Variants in ABLIM2 observed in about 807,000 individuals in gnomAD.
ABLIM2 encodes the protein actin-binding LIM protein 2.
A neutral mutation model predicts 97.7 loss-of-function variants in ABLIM2; 53 were observed. That is an observed-to-expected ratio of 0.54 (90% CI 0.44 to 0.68). The LOEUF (loss-of-function observed/expected upper bound fraction) is 0.68. Ranked by LOEUF, ABLIM2 falls within the 30% of genes least tolerant of loss-of-function variation. The probability of loss-of-function intolerance (pLI) is 0.00; values close to 1 mark genes in which losing one functional copy is unlikely to be tolerated. For missense variants in ABLIM2, 835 were observed against 867.2 expected (o/e 0.96, Z 0.47); for synonymous variants, 361 against 345.8 (o/e 1.04, Z -0.49).
rs1211012357 is a variant in ABLIM2 at position 7,999,530 on chromosome 4, G to A, written c.1619-6603C>T. ...CTAACTAGAGAGGCTGAGATGAGGA[G>A]GGCTCCCTAGCTTCAGGAACCAGTA... On this transcript the variant is annotated intron_variant, in intron 16 of 20. Transcript: ENST00000447017. The surrounding 1 kb of genome is among the most constrained non-coding windows in gnomAD (Gnocchi z 4.4). 6.6e-6 allele frequency among the ~76,000 whole-genome samples: 1 copy of A among 152,228 alleles called. No individual in the cohort carries two copies. The highest frequency in any genetic ancestry group is 1.9e-4 in the East Asian group (1 of 5,202).
At chr4:8,106,236 G>A (rs1486139555) in intron 2 of ABLIM2, among the ~76,000 whole-genome samples, 2 of 152,168 alleles carry the variant, frequency 1.3e-5, no homozygotes, top group African/African-American at 4.8e-5. Flanking sequence ...CTGAGGCTGG[G>A]TGCAGCCACA....
At chr4:8,145,742 TCATACACA>T (rs1375536510) in intron 1 of ABLIM2, among the ~76,000 whole-genome samples, 16 of 90,840 alleles carry the variant, frequency 1.8e-4, no homozygotes, top group Admixed American at 2.6e-4. Flanking sequence ...GACTACACAC[TCATACACA>T]CACACACACA....
intron 9 of ABLIM2, 24 bp downstream of exon 9, chr4:8,045,140 C>A (rs978944524): frequency 1.6e-5 from 26 of 1,607,944 alleles, no homozygotes; most frequent in Non-Finnish European, 1.9e-5. Context: ...CCACCGCCGT[C>A]CCCATAAAAA....
At chr4:8,106,450 G>T in intron 2 of ABLIM2, 44 bp downstream of exon 2, 9 of 1,566,130 alleles carry the variant, frequency 5.7e-6, no homozygotes, top group Non-Finnish European at 7.8e-6. Flanking sequence ...CCGCTGGGAG[G>T]CCCGTTTCAG....
intron 9 of ABLIM2, among the ~76,000 whole-genome samples, chr4:8,042,839 CAA>C (rs35649540): frequency 1.9e-4 from 12 of 62,384 alleles, no homozygotes; most frequent in Admixed American, 2.0e-4. Flanking sequence ...AACTCCAACT[CAA>C]AAAAAAAAAA....
chr4:8,103,165 G>A (rs1160619896), intron 2 of ABLIM2, among the ~76,000 whole-genome samples: 2 of 152,078 alleles, frequency 1.3e-5, no homozygotes, highest in African/African-American at 2.4e-5. Context: ...CCTGGGGTAG[G>A]GGTGTGGGGC....
In ABLIM2 at chr4:8,061,114, C is replaced by A; in HGVS notation, c.676-60G>T. The A allele has an allele frequency of 7.0e-7, 1 of 1,434,130 alleles. No homozygotes were observed. The highest frequency in any genetic ancestry group is 1.2e-5 in the South Asian group (1 of 81,390). 88.8% of individuals were successfully genotyped at this position (1,434,130 alleles called of 1,614,324 possible). On this transcript the variant is annotated intron_variant, in intron 6 of 20. Coordinates refer to ENST00000447017, the MANE Select transcript of ABLIM2 (RefSeq NM_001130083.2). This position sits in a 1 kb window ranked among gnomAD's most constrained non-coding sequence, Gnocchi z 4.5. The stretch of plus-strand genomic sequence containing the variant: ...AAAGCCAGAAAGGTCGGCTGGGTCC[C>A]AGCGCCCGGCATGGATACAGCATGC...
Position 8,045,180 on chromosome 4 carries a change from G to A in ABLIM2, c.884C>T (p.Pro295Leu), listed in dbSNP as rs757458512. ...CTGACTTACATAAATCACACGGCTC[G>A]GAGACCCTGAGGTGCTGGAAGCAGG... ...SVPASSTSGS[P>L]SRVIYAKLGG... Residue 295 changes from proline (P) to leucine (L), a missense_variant, in exon 9 of 21, where the codon CCG becomes CTG. Physicochemically the swap from Pro to Leu is moderately conservative, Grantham distance 98. Transcript: ENST00000447017. 120 of 1,613,746 alleles carry A rather than the reference G, an allele frequency of 7.4e-5. No individual in the cohort carries two copies. Among genetic ancestry groups the A allele is most frequent in the Non-Finnish European group, 9.4e-5 (111 of 1,179,798 alleles).
intron 7 of ABLIM2, among the ~76,000 whole-genome samples, chr4:8,057,052 T>A (rs1259196194): frequency 2.0e-5 from 3 of 149,600 alleles, no homozygotes; most frequent in African/African-American, 7.3e-5. Flanking sequence ...ATCTCTCTAC[T>A]CCTCTCCTGA....
chr4:8,034,094 C>T (rs906555802), intron 10 of ABLIM2, among the ~76,000 whole-genome samples: 1 of 152,224 alleles, frequency 6.6e-6, no homozygotes, highest in Non-Finnish European at 1.5e-5. Context: ...CCAGCACATC[C>T]TGTGGTCTTT....
chr4:8,076,640 T>C (rs1816179703), intron 6 of ABLIM2, among the ~76,000 whole-genome samples: 1 of 151,532 alleles, frequency 6.6e-6, no homozygotes, highest in Admixed American at 6.6e-5. Flanking sequence ...TGGTCACCTG[T>C]CGCTTCCCCC....
intron 7 of ABLIM2, 105 bp downstream of exon 7, chr4:8,060,862 G>T: frequency 2.0e-6 from 2 of 995,748 alleles, no homozygotes; most frequent in Non-Finnish European, 3.0e-6. Context: ...TCGTGACCTA[G>T]CGAGATGACA....
intron 16 of ABLIM2, among the ~76,000 whole-genome samples, chr4:7,993,158 C>A (rs1239693042): frequency 6.6e-6 from 1 of 152,218 alleles, no homozygotes; most frequent in African/African-American, 2.4e-5. Flanking sequence ...ACCGGAAATG[C>A]CACAGAACCT....
At chr4:7,974,402 C>CCCCT (rs1731070408) in intron 20 of ABLIM2, among the ~76,000 whole-genome samples, 1 of 140,540 alleles carries the variant, frequency 7.1e-6, no homozygotes. Context: ...CATCCATCCA[C>CCCCT]CCATCCATCC....
chr4:8,078,979 G>A (rs544086412), intron 5 of ABLIM2, among the ~76,000 whole-genome samples: 10 of 152,358 alleles, frequency 6.6e-5, no homozygotes, highest in African/African-American at 2.4e-4. Context: ...AGAGAAGGGA[G>A]GATTTCTCAG....
chr4:7,995,465 C>A (rs1311738181), intron 16 of ABLIM2, among the ~76,000 whole-genome samples: 2 of 152,232 alleles, frequency 1.3e-5, no homozygotes, highest in Non-Finnish European at 2.9e-5. Context: ...TGCCCACCCG[C>A]TCTCTCCGGG....
At chr4:8,092,922 C>G (rs895940212) in intron 3 of ABLIM2, among the ~76,000 whole-genome samples, 2 of 152,160 alleles carry the variant, frequency 1.3e-5, no homozygotes, top group East Asian at 3.9e-4. Context: ...GATCTTGGCT[C>G]TCTGCAACCT....
intron 9 of ABLIM2, among the ~76,000 whole-genome samples, chr4:8,040,004 A>G (rs943592956): frequency 6.6e-6 from 1 of 151,890 alleles, no homozygotes; most frequent in Non-Finnish European, 1.5e-5. Flanking sequence ...TTATCCTGGA[A>G]ACTAAGATGA....
intron 11 of ABLIM2, 112 bp from the exon 12 acceptor site, chr4:8,027,969 AT>A: frequency 5.2e-6 from 4 of 763,710 alleles, no homozygotes; most frequent in Non-Finnish European, 7.7e-6. Context: ...CTCTTGAGGA[AT>A]GCACAACTTT....
Sources: allele counts gnomAD v4.1 joint callset (sites outside exome capture counted in the v4.1 genomes callset), GRCh38; gene constraint gnomAD v4.1.1; non-coding constraint Gnocchi (gnomAD v3.1); transcripts MANE v1.5; gene names NCBI Gene and HGNC (gene_info 2026-07-23, HGNC 2026-07-21).